The following GLRA2 variants were observed in gnomAD, a reference collection of about 807,000 sequenced individuals.
GLRA2 encodes glycine receptor alpha 2.
In GLRA2, 11 loss-of-function variants were observed where a neutral mutation model predicts 31.6. The ratio of observed to expected loss-of-function variants is 0.35; its 90% CI spans 0.22 to 0.58. The LOEUF is 0.58. Among genes scored for constraint, GLRA2 ranks in the 20% least tolerant of loss-of-function variants. The pLI, the probability that GLRA2 is intolerant of heterozygous loss-of-function variation, is 0.84. For missense variants in GLRA2, 212 were observed against 351.8 expected (o/e 0.60, Z 3.18); for synonymous variants, 132 against 134.0 (o/e 0.99, Z 0.10).
chrX:14,471,069 C>G, the GLRA2 span, among the ~76,000 whole-genome samples: 1 of 111,354 alleles, frequency 9.0e-6, no homozygotes, highest in Non-Finnish European at 1.9e-5. Flanking sequence ...TCAGCTGAGA[C>G]CCCCCCAAAT....
At chrX:14,723,453 G>A (rs929753578) in intron 8 of GLRA2, among the ~76,000 whole-genome samples, 3 of 111,930 alleles carry the variant, frequency 2.7e-5, no homozygotes, top group East Asian at 2.8e-4. Flanking sequence ...TCACTTTTGC[G>A]TTCCTCTAGG....
intron 2 of GLRA2, among the ~76,000 whole-genome samples, chrX:14,552,264 A>G (rs2089575866): frequency 1.8e-5 from 2 of 112,072 alleles, no homozygotes; most frequent in South Asian, 7.4e-4. Context: ...AGTTCTGAAT[A>G]AGGGGAATTG....
upstream of GLRA2, among the ~76,000 whole-genome samples, chrX:14,526,653 A>C (rs1467476916): frequency 8.9e-6 from 1 of 111,969 alleles, no homozygotes; most frequent in African/African-American, 3.2e-5. Context: ...AAATAGACAC[A>C]GTAGAATAGG....
chrX:14,573,990 G>A (rs1236054580), intron 2 of GLRA2, among the ~76,000 whole-genome samples: 27 of 110,606 alleles, frequency 2.4e-4, no homozygotes, highest in Non-Finnish European at 5.1e-4. Context: ...CGAGGGAACC[G>A]CTGTTGATGT....
At chrX:14,671,927 A>T (rs1364119433) in intron 7 of GLRA2, among the ~76,000 whole-genome samples, 2 of 112,351 alleles carry the variant, frequency 1.8e-5, no homozygotes, top group Non-Finnish European at 3.8e-5. Flanking sequence ...GAGGGCCTGA[A>T]GGCTGTTACT....
intron 8 of GLRA2, among the ~76,000 whole-genome samples, chrX:14,704,007 A>G (rs2091584926): frequency 9.0e-6 from 1 of 111,509 alleles, no homozygotes; most frequent in African/African-American, 3.3e-5. Flanking sequence ...CTAAGGTGCA[A>G]TGCCTCCTAG....
At chrX:14,484,174 C>T in the GLRA2 span, among the ~76,000 whole-genome samples, 6 of 111,687 alleles carry the variant, frequency 5.4e-5, no homozygotes, top group East Asian at 2.8e-4. Context: ...AACCCTAATA[C>T]GATAAGAAAA....
intron 4 of GLRA2, among the ~76,000 whole-genome samples, chrX:14,591,838 C>G (rs2090149060): frequency 8.9e-6 from 1 of 111,949 alleles, no homozygotes; most frequent in Non-Finnish European, 1.9e-5. Flanking sequence ...CTAGCAATAG[C>G]AACCAGTAGG....
intron 8 of GLRA2, among the ~76,000 whole-genome samples, chrX:14,691,308 T>C (rs1285029349): frequency 2.9e-5 from 3 of 103,240 alleles, no homozygotes; most frequent in Admixed American, 1.0e-4. Context: ...TGTGTGTGTG[T>C]GTGTGTGTGT....
At chrX:14,612,790 C>T (rs762186324) in intron 7 of GLRA2, among the ~76,000 whole-genome samples, 54 of 80,877 alleles carry the variant, frequency 6.7e-4, no homozygotes, top group East Asian at 1.3e-3. Context: ...TACATGGACA[C>T]GGGGAGGGGA....
rs186536913 is a variant in GLRA2, at chrX:14,631,641, G to T, written c.930+22436G>T. 3.0e-4 allele frequency among the ~76,000 whole-genome samples: 33 copies of T among 108,701 alleles called. No individual in the cohort carries two copies. In the East Asian group the frequency reaches 9.5e-3, roughly 31 times the overall value. The allele number at this position is 108,701 out of a possible 115,157, so 94.4% of individuals were successfully genotyped here. Reference sequence around the variant, plus strand: ...ACCTTATGAATGATCAACTTTTCCAGTCTGGCTTATGGAAACAAGAACTGA... The same window carrying T: ...ACCTTATGAATGATCAACTTTTCCATTCTGGCTTATGGAAACAAGAACTGA... On this transcript the variant is annotated intron_variant, in intron 7 of 8. Coordinates refer to ENST00000218075, the MANE Select transcript of GLRA2 (RefSeq NM_002063.4).
At chrX:14,500,487 C>A in the GLRA2 span, among the ~76,000 whole-genome samples, 9 of 112,277 alleles carry the variant, frequency 8.0e-5, no homozygotes, top group African/African-American at 2.9e-4. Context: ...CCTACCTCAC[C>A]CCTTTGTCTC....
At chrX:14,525,111 T>C (rs188661046), upstream of GLRA2, among the ~76,000 whole-genome samples, 113 of 111,741 alleles carry the variant, frequency 1.0e-3, no homozygotes, top group African/African-American at 3.4e-3. Context: ...TAAATGATAC[T>C]GATGTTAAGA....
intron 2 of GLRA2, among the ~76,000 whole-genome samples, chrX:14,555,158 T>C (rs1356408117): frequency 8.9e-6 from 1 of 112,181 alleles, no homozygotes; most frequent in Non-Finnish European, 1.9e-5. Context: ...GCAGAGATAC[T>C]ATGCTTGAGA....
At chrX:14,689,131 T>A (rs753993170) in intron 7 of GLRA2, among the ~76,000 whole-genome samples, 1 of 111,796 alleles carries the variant, frequency 8.9e-6, no homozygotes, top group South Asian at 3.7e-4. Flanking sequence ...GGCATCTTAC[T>A]CCAGAATCTC....
intron 4 of GLRA2, among the ~76,000 whole-genome samples, chrX:14,582,847 C>A (rs1040220099): frequency 2.7e-5 from 3 of 111,793 alleles, no homozygotes; most frequent in Non-Finnish European, 3.8e-5. Context: ...AGCTCAAAAG[C>A]AGCCATAGGT....
intron 4 of GLRA2, 21 bp from the exon 5 acceptor site, chrX:14,604,294 A>ATT: frequency 2.5e-5 from 24 of 956,873 alleles, no homozygotes; most frequent in South Asian, 4.3e-5. Flanking sequence ...ATGGTTTTTA[A>ATT]TTTTTTTTTT....
At chrX:14,552,890 C>A (rs1331513507) in intron 2 of GLRA2, among the ~76,000 whole-genome samples, 1 of 111,521 alleles carries the variant, frequency 9.0e-6, no homozygotes, top group Non-Finnish European at 1.9e-5. Flanking sequence ...GGGTAAAAAC[C>A]CTATTCTGTT....
intron 2 of GLRA2, among the ~76,000 whole-genome samples, chrX:14,568,883 C>T (rs2089846260): frequency 9.0e-6 from 1 of 111,234 alleles, no homozygotes; most frequent in Admixed American, 9.5e-5. Context: ...ACGTTCATTA[C>T]CTTGGATTTG....
Sources: allele counts gnomAD v4.1 joint callset (sites outside exome capture counted in the v4.1 genomes callset), GRCh38; gene constraint gnomAD v4.1.1; transcripts MANE v1.5; gene names NCBI Gene and HGNC (gene_info 2026-07-23, HGNC 2026-07-21).